The following LRMDA variants were observed in gnomAD, a reference collection of about 807,000 sequenced individuals.
LRMDA encodes the protein leucine rich melanocyte differentiation associated, also known as leucine-rich melanocyte differentiation-associated protein.
In LRMDA, 18 loss-of-function variants were observed where a neutral mutation model predicts 29.8. The ratio of observed to expected loss-of-function variants is 0.60; its 90% CI spans 0.42 to 0.90. The LOEUF is 0.90. LRMDA is among the 40% of genes least tolerant of loss of function. The pLI is 0.00. For synonymous variants in LRMDA, 125 were observed against 109.4 expected (o/e 1.14, Z -0.89); for missense variants, 273 against 273.9 (o/e 1.00, Z 0.02).
intron 2 of LRMDA, among the ~76,000 whole-genome samples, chr10:76,022,903 C>T (rs1453145808): frequency 6.6e-6 from 1 of 152,126 alleles, no homozygotes; most frequent in Non-Finnish European, 1.5e-5. Flanking sequence ...CAATGCTGGG[C>T]ACCTATAAAC....
intron 2 of LRMDA, among the ~76,000 whole-genome samples, chr10:76,012,458 G>C (rs1847801028): frequency 6.6e-6 from 1 of 152,144 alleles, no homozygotes; most frequent in East Asian, 1.9e-4. Flanking sequence ...CTGTGTGTGT[G>C]TATCGGGGGT....
chr10:75,683,615 C>T (rs1007544699), intron 2 of LRMDA, among the ~76,000 whole-genome samples: 1 of 152,196 alleles, frequency 6.6e-6, no homozygotes, highest in Non-Finnish European at 1.5e-5. Context: ...TATTTGGTGT[C>T]AGGCAAGGTT....
At chr10:75,582,149 C>A (rs758447714) in intron 2 of LRMDA, among the ~76,000 whole-genome samples, 1 of 152,160 alleles carries the variant, frequency 6.6e-6, no homozygotes, top group Non-Finnish European at 1.5e-5. Context: ...GTTCTGGGTT[C>A]TTGAGAATGG....
chr10:75,433,858 A>G (rs750888437), intron 1 of LRMDA, among the ~76,000 whole-genome samples: 1 of 152,186 alleles, frequency 6.6e-6, no homozygotes, highest in Admixed American at 6.5e-5. Context: ...ACCCTATGCA[A>G]TTAAACAATT....
chr10:75,586,481 C>T (rs1840657528), intron 2 of LRMDA, among the ~76,000 whole-genome samples: 1 of 151,466 alleles, frequency 6.6e-6, no homozygotes, highest in African/African-American at 2.4e-5. Flanking sequence ...CCTCAGCCTC[C>T]CAAGTAGCTG....
intron 2 of LRMDA, among the ~76,000 whole-genome samples, chr10:75,934,953 C>T (rs1179400574): frequency 8.5e-5 from 13 of 152,150 alleles, no homozygotes; most frequent in Admixed American, 8.5e-4. Flanking sequence ...AGATTTCCCT[C>T]TTGGGCTTTT....
At chr10:76,434,889 T>A (rs1185157476) in intron 6 of LRMDA, among the ~76,000 whole-genome samples, 1 of 152,212 alleles carries the variant, frequency 6.6e-6, no homozygotes, top group African/African-American at 2.4e-5. Context: ...TATTCATTTG[T>A]AGATTAATCA....
At chr10:76,011,368 TA>T (rs1322580971) in intron 2 of LRMDA, among the ~76,000 whole-genome samples, 1 of 152,162 alleles carries the variant, frequency 6.6e-6, no homozygotes, top group Admixed American at 6.5e-5. Context: ...TCCAATCCCC[TA>T]AAAATACTGA....
chr10:75,941,071 G>C (rs1471869101), intron 2 of LRMDA, among the ~76,000 whole-genome samples: 2 of 152,170 alleles, frequency 1.3e-5, no homozygotes, highest in African/African-American at 4.8e-5. Flanking sequence ...AGTTCTGTTG[G>C]TGAAAATAGT....
chr10:75,459,686 G>A (rs1844562040), intron 2 of LRMDA, among the ~76,000 whole-genome samples: 1 of 152,192 alleles, frequency 6.6e-6, no homozygotes, highest in Non-Finnish European at 1.5e-5. Context: ...TTGCTAGACA[G>A]TATACCTGAG....
At chr10:75,676,823 A>G (rs923690827) in intron 2 of LRMDA, among the ~76,000 whole-genome samples, 3 of 152,136 alleles carry the variant, frequency 2.0e-5, no homozygotes, top group Admixed American at 6.5e-5. Context: ...ATCTCCAGCC[A>G]TGGTGGTGGA....
intron 2 of LRMDA, among the ~76,000 whole-genome samples, chr10:75,762,768 C>T (rs1249489886): frequency 6.6e-6 from 1 of 152,068 alleles, no homozygotes; most frequent in Non-Finnish European, 1.5e-5. Flanking sequence ...AGTAAGCCCT[C>T]GATAGATGTT....
intron 2 of LRMDA, among the ~76,000 whole-genome samples, chr10:75,866,613 C>T (rs556363369): frequency 7.9e-4 from 121 of 152,250 alleles, no homozygotes; most frequent in Non-Finnish European, 1.5e-3. Context: ...AAACAGAGTA[C>T]GTCAATTAAC....
At chr10:76,217,600 GGAA>G (rs568260816) in intron 5 of LRMDA, among the ~76,000 whole-genome samples, 50 of 152,148 alleles carry the variant, frequency 3.3e-4, no homozygotes, top group Non-Finnish European at 7.1e-4. Flanking sequence ...ACTGTGATGG[GGAA>G]GAAGAAGAGA....
intron 1 of LRMDA, among the ~76,000 whole-genome samples, chr10:75,436,710 C>T (rs888691747): frequency 5.3e-5 from 8 of 151,890 alleles, no homozygotes; most frequent in African/African-American, 1.9e-4. Flanking sequence ...ACCTCATGAT[C>T]CTCCCACCTC....
chr10:76,440,863 G>A (rs902733204), intron 6 of LRMDA, among the ~76,000 whole-genome samples: 2 of 152,048 alleles, frequency 1.3e-5, no homozygotes, highest in African/African-American at 2.4e-5. Flanking sequence ...CCTGTGTACC[G>A]CATATGCCAC....
chr10:76,474,304 G>A (rs373767600), intron 6 of LRMDA, among the ~76,000 whole-genome samples: 209 of 151,706 alleles, frequency 1.4e-3, no homozygotes, highest in Middle Eastern at 0.014. Context: ...AAATCTGTGT[G>A]ACTTTGGGTT....
At chr10:76,109,493 C>T (rs970264753) in intron 5 of LRMDA, among the ~76,000 whole-genome samples, 1 of 152,172 alleles carries the variant, frequency 6.6e-6, no homozygotes, top group African/African-American at 2.4e-5. Flanking sequence ...TCCCTTACAA[C>T]ACAGTAATTC....
chr10:75,862,841 A>G (rs1311047236), intron 2 of LRMDA, among the ~76,000 whole-genome samples: 2 of 152,182 alleles, frequency 1.3e-5, no homozygotes, highest in East Asian at 3.8e-4. Flanking sequence ...GCATTTGCAT[A>G]TTAGCATGGT....
Sources: gnomAD v4.1 joint callset for allele counts (sites outside exome capture counted in the v4.1 genomes callset) on GRCh38, gnomAD v4.1.1 for gene constraint, MANE v1.5 for transcripts, NCBI Gene and HGNC (gene_info 2026-07-23, HGNC 2026-07-21) for gene names.